The following CNTN4 variants were observed in gnomAD, a reference collection of about 807,000 sequenced individuals.
CNTN4 encodes contactin-4.
CNTN4 carries 77 observed loss-of-function variants against 122.5 expected under a neutral mutation model. That is an observed-to-expected ratio of 0.63 (90% confidence interval 0.52 to 0.76). CNTN4 has a LOEUF of 0.76. Among genes scored for constraint, CNTN4 ranks in the 30% least tolerant of loss-of-function variants. The pLI is 0.00. For synonymous variants in CNTN4, 512 were observed against 447.0 expected (o/e 1.15, Z -1.83); for missense variants, 1,256 against 1,259.1 (o/e 1.00, Z 0.04).
Position 2,916,618 on chromosome 3 carries a change from C to T in CNTN4, c.1208-9011C>T, listed in dbSNP as rs111936390. Among the ~76,000 whole-genome samples the T allele has an allele frequency of 4.0e-3, 406 of 101,108 alleles. 7 individuals are homozygous for T. Among genetic ancestry groups the T allele is most frequent in the Middle Eastern group, 0.01 (2 of 198 alleles). 66.3% of individuals were successfully genotyped at this position (101,108 alleles called of 152,430 possible). ...TCTACTTCTTTCTACACAGACACAG[C>T]AACAATCTGATTTCTCTTTCCTTTC... On this transcript the variant is annotated intron_variant, in intron 12 of 24. Coordinates refer to ENST00000418658, the MANE Select transcript of CNTN4 (RefSeq NM_175607.3).
intron 4 of CNTN4, among the ~76,000 whole-genome samples, chr3:2,577,117 C>A (rs576870077): frequency 1.8e-4 from 27 of 152,300 alleles, no homozygotes; most frequent in African/African-American, 6.5e-4. Flanking sequence ...CCCACAATAA[C>A]TCCTTCTACT....
At chr3:2,606,157 A>T (rs892609534) in intron 4 of CNTN4, among the ~76,000 whole-genome samples, 4 of 152,194 alleles carry the variant, frequency 2.6e-5, no homozygotes, top group Admixed American at 2.0e-4. Context: ...GTGGTTCTGT[A>T]TTGATAGGGA....
intron 2 of CNTN4, among the ~76,000 whole-genome samples, chr3:2,217,105 T>C (rs1415127055): frequency 1.3e-5 from 2 of 152,164 alleles, no homozygotes; most frequent in Non-Finnish European, 2.9e-5. Flanking sequence ...AAAGTTTCTC[T>C]CCCAAGGATT....
chr3:2,351,186 C>T (rs1041160657), intron 3 of CNTN4, among the ~76,000 whole-genome samples: 5 of 152,108 alleles, frequency 3.3e-5, no homozygotes, highest in African/African-American at 1.2e-4. Flanking sequence ...AGAACTATAT[C>T]GTACAACTTC....
intron 2 of CNTN4, among the ~76,000 whole-genome samples, chr3:2,190,717 C>T (rs1039725744): frequency 5.9e-5 from 9 of 151,756 alleles, no homozygotes; most frequent in Non-Finnish European, 1.2e-4. Context: ...TATTACATTT[C>T]TACAGCTTTC....
At chr3:2,879,337 G>A (rs1395768041) in intron 8 of CNTN4, among the ~76,000 whole-genome samples, 1 of 152,172 alleles carries the variant, frequency 6.6e-6, no homozygotes, top group Non-Finnish European at 1.5e-5. Flanking sequence ...GCATGGCCCT[G>A]TCAACACCTT....
chr3:2,557,686 A>G (rs1180217068), intron 3 of CNTN4, among the ~76,000 whole-genome samples: 2 of 150,276 alleles, frequency 1.3e-5, no homozygotes, highest in Non-Finnish European at 3.0e-5. Flanking sequence ...CTGAGATTCC[A>G]CCACTGCACT....
chr3:2,829,929 G>A (rs1219332355), intron 7 of CNTN4, among the ~76,000 whole-genome samples: 1 of 152,078 alleles, frequency 6.6e-6, no homozygotes, highest in Admixed American at 6.6e-5. Flanking sequence ...AGATGCTTAA[G>A]CTGTTTTTAC....
chr3:2,153,714 T>C (rs1300233343), intron 2 of CNTN4, among the ~76,000 whole-genome samples: 1 of 152,138 alleles, frequency 6.6e-6, no homozygotes, highest in Non-Finnish European at 1.5e-5. Context: ...TTTTAGATAT[T>C]GCTCTGACTG....
At chr3:2,840,276 T>C (rs1032942925) in intron 7 of CNTN4, among the ~76,000 whole-genome samples, 3 of 152,066 alleles carry the variant, frequency 2.0e-5, no homozygotes, top group East Asian at 1.9e-4. Context: ...AAGTTCTCCA[T>C]AGAGAGAGAG....
chr3:2,394,675 A>G (rs2046572184), intron 3 of CNTN4, among the ~76,000 whole-genome samples: 1 of 152,180 alleles, frequency 6.6e-6, no homozygotes, highest in Non-Finnish European at 1.5e-5. Flanking sequence ...GGTTTATAAA[A>G]GGCTTAAACA....
chr3:2,546,715 T>G (rs991369012), intron 3 of CNTN4, among the ~76,000 whole-genome samples: 9 of 152,078 alleles, frequency 5.9e-5, no homozygotes, highest in Non-Finnish European at 1.2e-4. Context: ...ATCAGTTCAA[T>G]TAAGTACAGA....
chr3:2,687,669 A>T (rs1180395093), intron 4 of CNTN4, among the ~76,000 whole-genome samples: 1 of 152,212 alleles, frequency 6.6e-6, no homozygotes, highest in East Asian at 1.9e-4. Flanking sequence ...AGACAATAGT[A>T]AACATATATC....
At chr3:2,519,872 A>G (rs17620999) in intron 3 of CNTN4, among the ~76,000 whole-genome samples, 29,601 of 152,102 alleles carry the variant, frequency 0.19, 3,027 homozygotes, top group Middle Eastern at 0.23. Flanking sequence ...AAATATGCGG[A>G]TTCACATCAT....
intron 14 of CNTN4, among the ~76,000 whole-genome samples, chr3:3,003,403 A>G (rs1696241661): frequency 6.6e-6 from 1 of 152,204 alleles, no homozygotes; most frequent in Non-Finnish European, 1.5e-5. Flanking sequence ...ACTATTATTC[A>G]GTCATTAAAA....
intron 2 of CNTN4, among the ~76,000 whole-genome samples, chr3:2,311,260 T>C (rs1391561589): frequency 6.6e-6 from 1 of 152,000 alleles, no homozygotes; most frequent in Non-Finnish European, 1.5e-5. Flanking sequence ...GCAGATTGAG[T>C]TAATGATGAA....
At chr3:2,569,978 C>T (rs1171863027) in intron 3 of CNTN4, among the ~76,000 whole-genome samples, 1 of 151,888 alleles carries the variant, frequency 6.6e-6, no homozygotes, top group Non-Finnish European at 1.5e-5. Context: ...TCTTGATGGG[C>T]CCAGTGCTTC....
At chr3:2,493,171 C>T (rs557239520) in intron 3 of CNTN4, among the ~76,000 whole-genome samples, 2 of 152,138 alleles carry the variant, frequency 1.3e-5, no homozygotes, top group Admixed American at 1.3e-4. Flanking sequence ...CATACTTTTT[C>T]TGGGTACAAA....
intron 4 of CNTN4, among the ~76,000 whole-genome samples, chr3:2,665,574 G>T (rs2084111783): frequency 6.6e-6 from 1 of 152,066 alleles, no homozygotes; most frequent in Non-Finnish European, 1.5e-5. Context: ...TTTATTTCCT[G>T]GTCACTTGGG....
Sources: allele counts gnomAD v4.1 joint callset (sites outside exome capture counted in the v4.1 genomes callset), GRCh38; gene constraint gnomAD v4.1.1; transcripts MANE v1.5; gene names NCBI Gene and HGNC (gene_info 2026-07-23, HGNC 2026-07-21).